Variants in SRP14 observed in about 807,000 individuals in gnomAD.
The protein encoded by SRP14 is signal recognition particle 14 kDa protein.
In SRP14, 1 loss-of-function variant was observed where a neutral mutation model predicts 16.0. The observed-to-expected ratio is 0.06, with a 90% CI of 0.02 to 0.30. The LOEUF (loss-of-function observed/expected upper bound fraction) is 0.30. Among genes scored for constraint, SRP14 ranks in the 10% least tolerant of loss-of-function variants. The probability of loss-of-function intolerance (pLI) is 1.00; values close to 1 mark genes in which losing one functional copy is unlikely to be tolerated. For missense variants in SRP14, 120 were observed against 163.1 expected (o/e 0.74, Z 1.44); for synonymous variants, 67 against 60.1 (o/e 1.12, Z -0.53).
At position 40,036,128 on chromosome 15, in the gene SRP14, T is replaced by A. The variant is rs995011060; in HGVS notation, c.*205A>T. 8 of 805,580 alleles carry A rather than the reference T, an allele frequency of 9.9e-6. No individual in the cohort carries two copies. Among genetic ancestry groups the A allele is most frequent in the African/African-American group, 1.7e-5 (1 of 57,714 alleles). 49.9% of individuals were successfully genotyped at this position (805,580 alleles called of 1,614,324 possible). A position where few individuals can be genotyped will look rare whatever the true frequency, so the allele number is the denominator to read the frequency against. ...TCTATAATCCAGGAGTATATAACCA[T>A]GCAGCACAGACCAATTAGCCAAATG... is the stretch of plus-strand genomic sequence containing the variant. On this transcript the variant is annotated 3_prime_UTR_variant, in exon 5 of 5. Transcript: ENST00000267884.
chr15:40,036,324 G>A lies in SRP14; in HGVS notation c.*9C>T, dbSNP rs1325628646. 1.9e-6 allele frequency: 3 copies of A among 1,613,594 alleles called. No homozygotes were observed. The highest frequency in any genetic ancestry group is 2.5e-6 in the Non-Finnish European group (3 of 1,179,484). On this transcript the variant is annotated 3_prime_UTR_variant, in exon 5 of 5. Transcript: ENST00000267884. ...TGGTTAATTGGTGAAAGCAGGAAAT[G>A]TATGCCCTTTACTGTGCTGCTGTTG...
chr15:40,038,957 C>G lies in SRP14; in HGVS notation c.25-9G>C. On this transcript the variant is annotated splice_polypyrimidine_tract_variant and intron_variant, in intron 1 of 4. Transcript: ENST00000267884. Reference sequence around the variant, plus strand: ...GTCAGCTCCGTCAGGAACTGGAAAACAACAGGCCCAGCCCCGTTAGCCAGC... The same window carrying G: ...GTCAGCTCCGTCAGGAACTGGAAAAGAACAGGCCCAGCCCCGTTAGCCAGC... The G allele has an allele frequency of 1.9e-6, 3 of 1,611,042 alleles. No homozygotes were observed. The highest frequency in any genetic ancestry group is 2.2e-5 in the East Asian group (1 of 44,708).
chr15:40,037,428 TC>T, intron 3 of SRP14: 1 of 1,004,322 alleles, frequency 1.0e-6, no homozygotes, highest in African/African-American at 1.7e-5. Context: ...AACTACTCCC[TC>T]CCCATCTTAT....
intron 3 of SRP14, 88 bp from the exon 4 acceptor site, chr15:40,037,106 A>G: frequency 6.9e-7 from 1 of 1,454,874 alleles, no homozygotes; most frequent in Non-Finnish European, 9.4e-7. Context: ...AAGCCTCCGG[A>G]AGACAATATC....
At chr15:40,037,279 G>GACAAAAAAAAAAAAAAA in intron 3 of SRP14, 2 of 740,788 alleles carry the variant, frequency 2.7e-6, no homozygotes, top group Non-Finnish European at 3.3e-6. Context: ...TCCTTTTGGG[G>GACAAAAAAAAAAAAAAA]AAAAAAAAAA....
intron 1 of SRP14, 41 bp downstream of exon 1, chr15:40,039,052 T>G (rs1466161641): frequency 6.2e-7 from 1 of 1,607,798 alleles, no homozygotes; most frequent in South Asian, 1.1e-5. Flanking sequence ...GAGTAACGCC[T>G]GAGCCGCCCC....
intron 2 of SRP14, 145 bp downstream of exon 2, chr15:40,038,731 A>G: frequency 1.2e-6 from 1 of 851,188 alleles, no homozygotes; most frequent in Non-Finnish European, 1.8e-6. Context: ...AATCCCTACT[A>G]TTTTCCGGGC....
rs2035677459 is a variant in SRP14 at position 40,039,030 on chromosome 15, G to A, written c.24+63C>T. On this transcript the variant is annotated intron_variant, in intron 1 of 4. Coordinates refer to ENST00000267884, the MANE Select transcript of SRP14 (RefSeq NM_003134.6). ...TCAAGGCCCTGGTCCTCCTGCAGGA[G>A]GCACAGGTCTCGAGTAACGCCTGAG... The A allele has an allele frequency of 1.0e-5, 16 of 1,606,486 alleles. No homozygotes were observed. The South Asian group carries it at 1.6e-4, about 16-fold the overall frequency.
rs2035622160 is a variant in SRP14, at chr15:40,036,380, T to TTGCTGCTGCGGCAGGTGCTGCTGCTGC, written c.337_363dup (p.Ala113_Ala121dup). On this transcript the variant is annotated inframe_insertion, in exon 5 of 5. Transcript: ENST00000267884. ...GTTGTTGCTGCTGTTGTTGGTGCTG[T>TTGCTGCTGCGGCAGGTGCTGCTGCTGC]TGCTGCTGCGGCAGGTGCTGCTGCT... is the stretch of plus-strand genomic sequence containing the variant. 4 of 1,611,998 alleles carry TTGCTGCTGCGGCAGGTGCTGCTGCTGC rather than the reference T, an allele frequency of 2.5e-6. No homozygotes were observed. In the East Asian group the frequency reaches 9.0e-5, roughly 36 times the overall value.
At chr15:40,037,381 G>T in intron 3 of SRP14, 1 of 1,253,184 alleles carries the variant, frequency 8.0e-7, no homozygotes, top group Non-Finnish European at 1.0e-6. Context: ...GGACTTCTCA[G>T]TATTAATTTT....
At chr15:40,038,651 T>C (rs2035669228) in intron 2 of SRP14, 3 of 615,668 alleles carry the variant, frequency 4.9e-6, no homozygotes, top group Admixed American at 5.9e-5. Flanking sequence ...CAAAGAGCCC[T>C]GGGCTGCTTG....
rs549167506 is a variant in SRP14 at position 40,036,160 on chromosome 15, A to C, written c.*173T>G. The C allele has an allele frequency of 8.2e-7, 1 of 1,214,220 alleles. No individual in the cohort carries two copies. The highest frequency in any genetic ancestry group is 2.4e-5 in the East Asian group (1 of 42,304). 75.2% of individuals were successfully genotyped at this position (1,214,220 alleles called of 1,614,324 possible). On this transcript the variant is annotated 3_prime_UTR_variant, in exon 5 of 5. Coordinates refer to ENST00000267884, the MANE Select transcript of SRP14 (RefSeq NM_003134.6). The stretch of plus-strand genomic sequence containing the variant: ...CAGACCAATTAGCCAAATGCAAAAT[A>C]AACTAGATTCTTACCACAACTATCC...
At chr15:40,038,680 AGCAACCTAGGCGGCTCAG>A in intron 2 of SRP14, 178 bp downstream of exon 2, 1 of 639,176 alleles carries the variant, frequency 1.6e-6, no homozygotes, top group South Asian at 1.9e-5. Context: ...TGTTACCAGA[AGCAACCTAGGCGGCTCAG>A]TGCTGGGGAC....
rs1318747609 is a variant in SRP14 at position 40,036,409 on chromosome 15, G to C, written c.335C>G (p.Ala112Gly). 3.7e-6 allele frequency: 6 copies of C among 1,613,698 alleles called. No homozygotes were observed. Among genetic ancestry groups the C allele is most frequent in the Non-Finnish European group, 5.1e-6 (6 of 1,179,788 alleles). The change falls in exon 5 of 5, where the codon GCA (alanine) becomes GGA (glycine). Residue 112 changes from alanine (A) to glycine (G), a missense_variant. Physicochemically the swap from Ala to Gly is moderately conservative, Grantham distance 60. Transcript: ENST00000267884. ...KTKKTKAAAA[A>G]AAAAPAAAAT... is the part of the protein sequence containing the mutation. Reference sequence around the variant, plus strand: ...TGCTGCGGCAGGTGCTGCTGCTGCTGCTGCTGCTGCTGCTTTGGTCTTCTT... The same window carrying C: ...TGCTGCGGCAGGTGCTGCTGCTGCTCCTGCTGCTGCTGCTTTGGTCTTCTT...
At chr15:40,036,911 C>G (rs751648077) in intron 4 of SRP14, 75 bp downstream of exon 4, 2 of 1,518,018 alleles carry the variant, frequency 1.3e-6, no homozygotes, top group Non-Finnish European at 1.8e-6. Context: ...ACCCAAGTAT[C>G]AATCTTACCC....
chr15:40,038,158 G>T, intron 3 of SRP14, 124 bp downstream of exon 3: 2 of 728,932 alleles, frequency 2.7e-6, no homozygotes, highest in Non-Finnish European at 4.7e-6. Flanking sequence ...GAAGGTCCTG[G>T]TCTCAAAAAT....
Position 40,037,397 on chromosome 15 carries a change from C to T in SRP14, c.211-379G>A, listed in dbSNP as rs976055681. 5.1e-6 allele frequency: 6 copies of T among 1,177,636 alleles called. No homozygotes were observed. The Admixed American group carries it at 1.1e-4, about 22-fold the overall frequency. The allele number at this position is 1,177,636 out of a possible 1,614,324, so 72.9% of individuals were successfully genotyped here. On this transcript the variant is annotated intron_variant, in intron 3 of 4. Transcript: ENST00000267884. Reference sequence around the variant, plus strand: ...GACTTCTCAGTATTAATTTTTTATACATTAATAGAAGATATATTTAAACTA... The same window carrying T: ...GACTTCTCAGTATTAATTTTTTATATATTAATAGAAGATATATTTAAACTA...
intron 3 of SRP14, among the ~76,000 whole-genome samples, chr15:40,037,753 C>A (rs938850775): frequency 4.0e-4 from 61 of 152,354 alleles, no homozygotes; most frequent in Admixed American, 1.0e-3. Context: ...CAGTATCCTA[C>A]ACTAATGTGA....
chr15:40,039,178 G>T lies in SRP14; in HGVS notation c.-62C>A. The T allele has an allele frequency of 6.4e-7, 1 of 1,572,496 alleles. No individual in the cohort carries two copies. Among genetic ancestry groups the T allele is most frequent in the Non-Finnish European group, 8.6e-7 (1 of 1,162,084 alleles). On this transcript the variant is annotated 5_prime_UTR_variant, in exon 1 of 5. Transcript: ENST00000267884. The stretch of plus-strand genomic sequence containing the variant: ...CCTAGCAGTGAGAGCCGGAAGTTCG[G>T]CCTAGGCTGGGCGGGACTTCCGCTA...
Sources: gnomAD v4.1 joint callset for allele counts (sites outside exome capture counted in the v4.1 genomes callset) on GRCh38, gnomAD v4.1.1 for gene constraint, MANE v1.5 for transcripts, NCBI Gene and HGNC (gene_info 2026-07-23, HGNC 2026-07-21) for gene names.